Variants in PTPRT observed in about 807,000 individuals in gnomAD.
PTPRT encodes the protein receptor-type tyrosine-protein phosphatase T.
Under a neutral mutation model 176.8 loss-of-function variants are expected in PTPRT, and 56 were observed. The ratio of observed to expected loss-of-function variants is 0.32; its 90% CI spans 0.26 to 0.40. The LOEUF (loss-of-function observed/expected upper bound fraction) is 0.40, where lower values mean the gene tolerates loss of function less well. Ranked by LOEUF, PTPRT falls within the 10% of genes least tolerant of loss-of-function variation. The pLI is 1.00. For missense variants in PTPRT, 1,540 were observed against 1,908.2 expected, an observed-to-expected ratio of 0.81 and a Z score of 3.60; for synonymous variants, 783 against 739.0, an observed-to-expected ratio of 1.06 and a Z score of -0.96.
At chr20:42,714,798 T>C (rs115172108) in intron 6 of PTPRT, among the ~76,000 whole-genome samples, 29 of 152,294 alleles carry the variant, frequency 1.9e-4, no homozygotes, top group African/African-American at 7.0e-4. Context: ...GAATTAGAGT[T>C]CTGGGCTGCT....
Position 42,772,071 on chromosome 20 carries a change from G to C in PTPRT, c.569-521C>G, listed in dbSNP as rs140771555. ...CCTGAAGAAGCAAAATAAGAAAGCT[G>C]AAGTGAAGCACCTTTGGGCCTGATA... On this transcript the variant is annotated intron_variant, in intron 4 of 30. Transcript: ENST00000373187. 8.6e-3 allele frequency among the ~76,000 whole-genome samples: 1,308 copies of C among 152,332 alleles called. 13 individuals carry two copies. Among genetic ancestry groups the C allele is most frequent in the South Asian group, 0.038 (184 of 4,812 alleles).
Position 43,189,801 on chromosome 20 carries a change from G to T in PTPRT, c.-68C>A. On this transcript the variant is annotated 5_prime_UTR_variant, in exon 1 of 31. Coordinates refer to ENST00000373187, the MANE Select transcript of PTPRT (RefSeq NM_007050.6). The surrounding 1 kb of genome is among the most constrained non-coding windows in gnomAD (Gnocchi z 5.0). ...GGGCCGGGACTGGGGCGGGCGCGGG[G>T]TGGCCCCGCATCGCCGGCGCGGCCG... is the stretch of plus-strand genomic sequence containing the variant. The T allele has an allele frequency of 1.1e-6, 1 of 897,408 alleles. No individual in the cohort carries two copies. Among genetic ancestry groups the T allele is most frequent in the Non-Finnish European group, 1.4e-6 (1 of 739,044 alleles). 55.6% of individuals were successfully genotyped at this position (897,408 alleles called of 1,614,324 possible).
chr20:42,292,225 C>T (rs1482458742), intron 12 of PTPRT, among the ~76,000 whole-genome samples: 2 of 152,160 alleles, frequency 1.3e-5, no homozygotes, highest in African/African-American at 4.8e-5. Flanking sequence ...TCTTCCATTG[C>T]ACTGACCCTT....
At chr20:42,863,343 C>G (rs2078693531) in intron 2 of PTPRT, among the ~76,000 whole-genome samples, 1 of 152,200 alleles carries the variant, frequency 6.6e-6, no homozygotes, top group South Asian at 2.1e-4. Context: ...TAACTTCCAG[C>G]AGAGAATCAG....
intron 2 of PTPRT, among the ~76,000 whole-genome samples, chr20:42,817,745 C>A (rs1294517481): frequency 6.6e-6 from 1 of 152,196 alleles, no homozygotes; most frequent in Non-Finnish European, 1.5e-5. Context: ...AACACACTGG[C>A]TGTGGCAGTC....
chr20:42,203,725 C>T (rs1398451870), intron 15 of PTPRT, among the ~76,000 whole-genome samples: 2 of 152,144 alleles, frequency 1.3e-5, no homozygotes, highest in African/African-American at 4.8e-5. Context: ...AGACTAATGG[C>T]AAAGACGGGC....
chr20:43,051,625 T>TAAAAAAAAA (rs35885799), intron 1 of PTPRT, among the ~76,000 whole-genome samples: 2,402 of 91,772 alleles, frequency 0.026, 111 homozygotes, highest in East Asian at 0.07. Context: ...TCTGTAACTG[T>TAAAAAAAAA]AAAAAAAAAA....
chr20:43,108,231 T>C (rs2012702260), intron 1 of PTPRT, among the ~76,000 whole-genome samples: 1 of 152,210 alleles, frequency 6.6e-6, no homozygotes, highest in Non-Finnish European at 1.5e-5. Context: ...CTTGGAACTC[T>C]AGTTTTGAGG....
intron 1 of PTPRT, among the ~76,000 whole-genome samples, chr20:43,127,208 G>A (rs1055139245): frequency 2.1e-4 from 32 of 152,170 alleles, no homozygotes; most frequent in African/African-American, 7.2e-4. Context: ...CGGATCACAA[G>A]GTCAGGAGAT....
chr20:42,104,128 A>G (rs1442848787), intron 25 of PTPRT, among the ~76,000 whole-genome samples: 1 of 152,162 alleles, frequency 6.6e-6, no homozygotes, highest in African/African-American at 2.4e-5. Context: ...AGACGTTTCG[A>G]TCATGAGCAT....
chr20:42,088,361 T>G (rs1389212257), intron 27 of PTPRT, among the ~76,000 whole-genome samples: 1 of 152,180 alleles, frequency 6.6e-6, no homozygotes, highest in African/African-American at 2.4e-5. Context: ...TGCAGGGTTT[T>G]CATCGAAGGG....
At chr20:42,217,321 G>C (rs2055795555) in intron 15 of PTPRT, among the ~76,000 whole-genome samples, 1 of 149,744 alleles carries the variant, frequency 6.7e-6, no homozygotes, top group East Asian at 2.0e-4. Context: ...GTTGGAGTGA[G>C]CCGAGATCAC....
chr20:42,383,027 C>T (rs1353676280), intron 9 of PTPRT, among the ~76,000 whole-genome samples: 1 of 152,134 alleles, frequency 6.6e-6, no homozygotes, highest in Non-Finnish European at 1.5e-5. Context: ...ATATTCTGGG[C>T]CAAGTTAGTT....
chr20:42,060,927 G>C, the PTPRT span, among the ~76,000 whole-genome samples: 2 of 152,184 alleles, frequency 1.3e-5, no homozygotes, highest in African/African-American at 4.8e-5. Context: ...AGACTGCCTG[G>C]ATTTGGATTC....
chr20:42,613,974 G>C (rs1442689211), intron 7 of PTPRT, among the ~76,000 whole-genome samples: 1 of 122,008 alleles, frequency 8.2e-6, no homozygotes, highest in Non-Finnish European at 1.6e-5. Flanking sequence ...CTATAACAAA[G>C]TACCATAGAC....
intron 13 of PTPRT, among the ~76,000 whole-genome samples, chr20:42,274,576 TG>T: frequency 6.7e-6 from 1 of 148,896 alleles, no homozygotes; most frequent in Non-Finnish European, 1.5e-5. Flanking sequence ...TGTGTGTGTG[TG>T]TGTGTGTGTG....
At chr20:42,449,837 T>C (rs968205851) in intron 8 of PTPRT, among the ~76,000 whole-genome samples, 4 of 152,206 alleles carry the variant, frequency 2.6e-5, no homozygotes, top group Non-Finnish European at 5.9e-5. Context: ...ATTAAGAATA[T>C]ATAAAAAGGT....
chr20:42,288,542 A>G lies in PTPRT; in HGVS notation c.2140-6017T>C, dbSNP rs575846798. ...TCTTTCCCCACTTGTGGAGTCCCCA[A>G]TGTCTATTGTTTCCATCTTTATGTC... On this transcript the variant is annotated intron_variant, in intron 12 of 30. Transcript: ENST00000373187. 3.1e-4 allele frequency among the ~76,000 whole-genome samples: 47 copies of G among 151,848 alleles called. No individual in the cohort carries two copies. In the South Asian group the frequency reaches 4.8e-3, roughly 15 times the overall value.
chr20:42,049,832 C>T, the PTPRT span, among the ~76,000 whole-genome samples: 44 of 152,156 alleles, frequency 2.9e-4, 1 homozygote, highest in Non-Finnish European at 1.5e-5. Flanking sequence ...AGGAAAGAAC[C>T]GAGATGGCTC....
Sources: allele counts gnomAD v4.1 joint callset (sites outside exome capture counted in the v4.1 genomes callset), GRCh38; gene constraint gnomAD v4.1.1; non-coding constraint Gnocchi (gnomAD v3.1); transcripts MANE v1.5; gene names NCBI Gene and HGNC (gene_info 2026-07-23, HGNC 2026-07-21).